PLCB1: variants seen among roughly 807,000 people sequenced by gnomAD.
The protein encoded by PLCB1 is 1-phosphatidylinositol 4,5-bisphosphate phosphodiesterase beta-1.
In PLCB1, 46 loss-of-function variants were observed where a neutral mutation model predicts 161.8. The observed-to-expected ratio is 0.28, with a 90% CI of 0.22 to 0.36. The LOEUF is 0.36. PLCB1 is among the 10% of genes least tolerant of loss of function. PLCB1 has a pLI of 1.00. For synonymous variants in PLCB1, 517 were observed against 503.7 expected, an observed-to-expected ratio of 1.03 and a Z score of -0.35; for missense variants, 1,016 against 1,472.5, an observed-to-expected ratio of 0.69 and a Z score of 5.07.
At chr20:8,265,701 A>G (rs1395749683) in intron 2 of PLCB1, among the ~76,000 whole-genome samples, 1 of 152,200 alleles carries the variant, frequency 6.6e-6, no homozygotes, top group African/African-American at 2.4e-5. Context: ...TCCAGTTCCT[A>G]TCAACTTTGC....
intron 7 of PLCB1, chr20:8,651,625 T>G (rs1989324570): frequency 4.7e-6 from 3 of 642,076 alleles, no homozygotes; most frequent in Non-Finnish European, 8.4e-6. Context: ...TATGTGCCCA[T>G]AGGCATTGAG....
At chr20:8,302,453 T>G (rs1180109566) in intron 2 of PLCB1, among the ~76,000 whole-genome samples, 1 of 152,156 alleles carries the variant, frequency 6.6e-6, no homozygotes, top group Non-Finnish European at 1.5e-5. Context: ...CTGCTATGAG[T>G]CCAATTTAAA....
intron 3 of PLCB1, 93 bp from the exon 4 acceptor site, chr20:8,628,201 T>C (rs1988417640): frequency 9.8e-7 from 1 of 1,019,098 alleles, no homozygotes; most frequent in African/African-American, 1.6e-5. Flanking sequence ...CAACTTTGTT[T>C]TGAAATCATT....
At chr20:8,433,679 G>A in intron 3 of PLCB1, among the ~76,000 whole-genome samples, 1 of 146,524 alleles carries the variant, frequency 6.8e-6, no homozygotes, top group East Asian at 1.9e-4. Flanking sequence ...TTAATGTTCA[G>A]TAAATGACGA....
intron 2 of PLCB1, among the ~76,000 whole-genome samples, chr20:8,169,925 C>T (rs928409957): frequency 1.3e-5 from 2 of 152,148 alleles, no homozygotes; most frequent in African/African-American, 4.8e-5. Flanking sequence ...ACTGAATTCT[C>T]GACCCTTTGA....
intron 3 of PLCB1, among the ~76,000 whole-genome samples, chr20:8,461,249 G>T (rs1360822925): frequency 6.6e-6 from 1 of 152,240 alleles, no homozygotes; most frequent in East Asian, 1.9e-4. Context: ...TGTATGCATA[G>T]TAAATGACAT....
intron 31 of PLCB1, among the ~76,000 whole-genome samples, chr20:8,874,532 A>G (rs1162866868): frequency 2.0e-5 from 3 of 152,054 alleles, no homozygotes; most frequent in African/African-American, 7.2e-5. Context: ...ATATATTAAT[A>G]TAAAGCAAAT....
intron 7 of PLCB1, among the ~76,000 whole-genome samples, chr20:8,656,546 A>G (rs1411110724): frequency 6.6e-6 from 1 of 152,078 alleles, no homozygotes; most frequent in Non-Finnish European, 1.5e-5. Context: ...AAAATAAGTC[A>G]TAGAAGTGGC....
chr20:8,383,174 C>G (rs1347307289), intron 3 of PLCB1, among the ~76,000 whole-genome samples: 1 of 152,196 alleles, frequency 6.6e-6, no homozygotes, highest in African/African-American at 2.4e-5. Flanking sequence ...ATCTCTGCGT[C>G]TCTTTGTAGG....
intron 31 of PLCB1, chr20:8,802,632 C>T (rs2076409): frequency 0.27 from 41,500 of 153,602 alleles, 5,795 homozygotes; most frequent in Middle Eastern, 0.35. Context: ...AATCCACTCC[C>T]CTCAACTTAC....
intron 3 of PLCB1, among the ~76,000 whole-genome samples, chr20:8,621,991 G>A (rs1988196978): frequency 6.6e-6 from 1 of 152,130 alleles, no homozygotes; most frequent in Non-Finnish European, 1.5e-5. Flanking sequence ...CATTTTTATA[G>A]AGAACTGAAC....
Position 8,789,645 on chromosome 20 carries a change from T to C in PLCB1, c.3336+70T>C. ...ACATTTGGTGAGCTCGCTGTGAGCT[T>C]CTGGAAGGAAATGTCATGCCTTGCC... is the stretch of plus-strand genomic sequence containing the variant. On this transcript the variant is annotated intron_variant, in intron 30 of 31. Transcript: ENST00000338037. 2.6e-6 allele frequency: 3 copies of C among 1,149,466 alleles called. No individual in the cohort carries two copies. The East Asian group carries it at 7.0e-5, about 27-fold the overall frequency. 71.2% of individuals were successfully genotyped at this position (1,149,466 alleles called of 1,614,324 possible).
At chr20:8,143,994 C>T (rs2051429204) in intron 1 of PLCB1, among the ~76,000 whole-genome samples, 1 of 152,156 alleles carries the variant, frequency 6.6e-6, no homozygotes, top group African/African-American at 2.4e-5. Flanking sequence ...CCAGTAGTGA[C>T]AACCAAAATT....
At chr20:8,230,403 T>C (rs1007277306) in intron 2 of PLCB1, among the ~76,000 whole-genome samples, 4 of 152,176 alleles carry the variant, frequency 2.6e-5, no homozygotes, top group African/African-American at 9.7e-5. Context: ...TTTTTGTGTG[T>C]GTGTTGGAAA....
At chr20:8,791,159 TTATTA>T (rs910455882) in intron 31 of PLCB1, among the ~76,000 whole-genome samples, 92 of 152,234 alleles carry the variant, frequency 6.0e-4, no homozygotes, top group African/African-American at 2.2e-3. Flanking sequence ...GCTTTCATAT[TTATTA>T]TATAAGACAT....
Position 8,269,145 on chromosome 20 carries a change from T to C in PLCB1, c.178-102237T>C, listed in dbSNP as rs994393810. 2.6e-5 allele frequency among the ~76,000 whole-genome samples: 4 copies of C among 152,232 alleles called. No homozygotes were observed. In the East Asian group the frequency reaches 7.7e-4, roughly 29 times the overall value. On this transcript the variant is annotated intron_variant, in intron 2 of 31. Transcript: ENST00000338037. ...ACATGTGCAGAATGTGCAGGTTTGT[T>C]ACATAGGTATACACGTGCCATGGTG...
At chr20:8,577,896 C>T (rs569369083) in intron 3 of PLCB1, among the ~76,000 whole-genome samples, 1 of 152,282 alleles carries the variant, frequency 6.6e-6, no homozygotes, top group East Asian at 1.9e-4. Context: ...TTTCTGTATA[C>T]CAGATTCTCA....
At position 8,737,202 on chromosome 20, in the gene PLCB1, A is replaced by C; in HGVS notation, c.2208+10A>C. 6.2e-7 allele frequency: 1 copy of C among 1,608,994 alleles called. No homozygotes were observed. On this transcript the variant is annotated intron_variant, in intron 20 of 31. Transcript: ENST00000338037. The stretch of plus-strand genomic sequence containing the variant: ...TATTGTGTTCAAAAAGGTTGGTCAC[A>C]TGTTCTTGATATGAGTTATAACTGC...
intron 3 of PLCB1, among the ~76,000 whole-genome samples, chr20:8,600,221 C>G (rs1451397258): frequency 2.3e-5 from 3 of 130,112 alleles, no homozygotes; most frequent in Non-Finnish European, 3.3e-5. Context: ...TTTTCCCCAT[C>G]TTTGTGGTTT....
Sources: gnomAD v4.1 joint callset for allele counts (sites outside exome capture counted in the v4.1 genomes callset) on GRCh38, gnomAD v4.1.1 for gene constraint, MANE v1.5 for transcripts, NCBI Gene and HGNC (gene_info 2026-07-23, HGNC 2026-07-21) for gene names.